Variants in LDAH observed in about 807,000 individuals in gnomAD.
LDAH encodes lipid droplet associated hydrolase, also known as lipid droplet-associated hydrolase.
A neutral mutation model predicts 29.6 loss-of-function variants in LDAH; 26 were observed. The observed-to-expected ratio is 0.88, with a 90% CI of 0.64 to 1.22. The LOEUF (loss-of-function observed/expected upper bound fraction) is 1.22, where lower values mean the gene tolerates loss of function less well. Ranked by LOEUF, LDAH falls within the 50% of genes most tolerant of loss-of-function variation. LDAH has a pLI of 0.00. For synonymous variants in LDAH, 117 were observed against 133.0 expected (o/e 0.88, Z 0.83); for missense variants, 344 against 387.3 (o/e 0.89, Z 0.94).
At chr2:20,713,184 G>A (rs1049881725) in intron 5 of LDAH, among the ~76,000 whole-genome samples, 11 of 152,260 alleles carry the variant, frequency 7.2e-5, no homozygotes, top group African/African-American at 1.9e-4. Flanking sequence ...GACTAACAGC[G>A]GATCTCTCAG....
chr2:20,800,715 C>A (rs1438597506), intron 2 of LDAH, among the ~76,000 whole-genome samples: 3 of 152,106 alleles, frequency 2.0e-5, no homozygotes, highest in African/African-American at 7.2e-5. Flanking sequence ...GGCAATGCAA[C>A]CTCTGCCTCC....
intron 3 of LDAH, chr2:20,788,994 T>A: frequency 1.2e-6 from 1 of 811,954 alleles, no homozygotes; most frequent in Non-Finnish European, 1.9e-6. Context: ...GTCCTGGCTC[T>A]CTCTCCAGCT....
intron 5 of LDAH, among the ~76,000 whole-genome samples, chr2:20,705,317 C>T (rs376878367): frequency 6.6e-6 from 1 of 152,316 alleles, no homozygotes; most frequent in South Asian, 2.1e-4. Flanking sequence ...TATCCTCAAA[C>T]TCAGCTGTCT....
At chr2:20,820,076 C>G (rs1386273691) in intron 1 of LDAH, among the ~76,000 whole-genome samples, 3 of 151,856 alleles carry the variant, frequency 2.0e-5, no homozygotes. Context: ...AGGACCTCTT[C>G]AAGGAGAACT....
At chr2:20,692,068 T>C (rs1663076544) in intron 6 of LDAH, among the ~76,000 whole-genome samples, 1 of 152,220 alleles carries the variant, frequency 6.6e-6, no homozygotes, top group African/African-American at 2.4e-5. Context: ...TTGCTGAAGC[T>C]GATAGATTAA....
chr2:20,699,158 A>T (rs1039113518), intron 6 of LDAH, among the ~76,000 whole-genome samples: 1 of 152,228 alleles, frequency 6.6e-6, no homozygotes, highest in African/African-American at 2.4e-5. Context: ...TGATTTTTCA[A>T]CAAAATGTGT....
chr2:20,802,921 A>T (rs1040131496), intron 1 of LDAH, among the ~76,000 whole-genome samples: 7 of 152,176 alleles, frequency 4.6e-5, no homozygotes, highest in African/African-American at 1.7e-4. Flanking sequence ...AATACAGTGC[A>T]CTGGAAAGGG....
At chr2:20,820,026 A>G (rs1572703618) in intron 1 of LDAH, among the ~76,000 whole-genome samples, 1 of 151,924 alleles carries the variant, frequency 6.6e-6, no homozygotes, top group African/African-American at 2.4e-5. Flanking sequence ...TGCTTCAAAG[A>G]GAACAAAATA....
At chr2:20,742,866 C>A (rs1283903599) in intron 4 of LDAH, among the ~76,000 whole-genome samples, 3 of 148,764 alleles carry the variant, frequency 2.0e-5, no homozygotes, top group Non-Finnish European at 4.4e-5. Context: ...TCAAGGAGAT[C>A]CTCCCACTTC....
In LDAH at chr2:20,685,521, A is replaced by C. The variant is rs1325775389; in HGVS notation, c.*1382T>G. On this transcript the variant is annotated 3_prime_UTR_variant, in exon 7 of 7. Transcript: ENST00000237822. ...TGCTGTGATGTAGAAGCTATGCCAA[A>C]GCACAGTAACTCATTCAGCACTTAC... 6.5e-7 allele frequency: 1 copy of C among 1,548,690 alleles called. No individual in the cohort carries two copies. Among genetic ancestry groups the C allele is most frequent in the Admixed American group, 2.0e-5 (1 of 50,764 alleles).
intron 4 of LDAH, among the ~76,000 whole-genome samples, chr2:20,761,313 T>G (rs1668671685): frequency 6.6e-6 from 1 of 152,148 alleles, no homozygotes; most frequent in South Asian, 2.1e-4. Flanking sequence ...GTCTTCCTTT[T>G]GGGATGTGTA....
In LDAH at chr2:20,774,903, A is replaced by G. The variant is rs113203877; in HGVS notation, c.375T>C (p.Thr125=). ...QIEHKLAFLR[T]HVPKDMKLVL... ...CAAGTTTCATGTCCTTTGGCACATGAGTTCTCAGGAAAGCTAGTTTGTGCT... is the reference window on the plus strand; with the variant it reads ...CAAGTTTCATGTCCTTTGGCACATGGGTTCTCAGGAAAGCTAGTTTGTGCT... The change falls in exon 4 of 7, where the codon ACT becomes ACC. Residue 125 remains threonine, a synonymous_variant. Coordinates refer to ENST00000237822, the MANE Select transcript of LDAH (RefSeq NM_021925.4). 1 of 1,613,716 alleles carries G rather than the reference A, an allele frequency of 6.2e-7. No individual in the cohort carries two copies. Among genetic ancestry groups the G allele is most frequent in the Non-Finnish European group, 8.5e-7 (1 of 1,179,934 alleles).
chr2:20,789,412 C>T, intron 3 of LDAH: 1 of 1,445,202 alleles, frequency 6.9e-7, no homozygotes, highest in Non-Finnish European at 9.1e-7. Context: ...CGTCCAGTCT[C>T]AAGAAACTAT....
chr2:20,747,881 G>C (rs2124880004), intron 4 of LDAH, among the ~76,000 whole-genome samples: 1 of 152,170 alleles, frequency 6.6e-6, no homozygotes, highest in Middle Eastern at 3.4e-3. Context: ...GAAAACTGAG[G>C]TTCAGCCACA....
intron 5 of LDAH, among the ~76,000 whole-genome samples, chr2:20,733,481 C>G (rs1666557893): frequency 6.6e-6 from 1 of 150,948 alleles, no homozygotes; most frequent in Non-Finnish European, 1.5e-5. Context: ...CTCACTGCAG[C>G]CTTGACTTCC....
intron 5 of LDAH, among the ~76,000 whole-genome samples, chr2:20,710,953 C>T (rs1207537156): frequency 6.6e-6 from 1 of 151,894 alleles, no homozygotes; most frequent in Admixed American, 6.6e-5. Flanking sequence ...CTAGTGGGCC[C>T]AGCCTAACCT....
chr2:20,721,191 GTC>G (rs1393727161), intron 5 of LDAH, among the ~76,000 whole-genome samples: 1 of 152,076 alleles, frequency 6.6e-6, no homozygotes, highest in African/African-American at 2.4e-5. Context: ...TGAAGAAACA[GTC>G]TACAGCATGG....
chr2:20,820,768 A>G lies in LDAH; in HGVS notation c.-3+2269T>C, dbSNP rs1209032267. 4.3e-5 allele frequency among the ~76,000 whole-genome samples: 6 copies of G among 141,120 alleles called. No individual in the cohort carries two copies. In the East Asian group the frequency reaches 1.2e-3, roughly 28 times the overall value. 92.6% of individuals were successfully genotyped at this position (141,120 alleles called of 152,430 possible). On this transcript the variant is annotated intron_variant, in intron 1 of 6. Transcript: ENST00000237822. The stretch of plus-strand genomic sequence containing the variant: ...ACAAAAGCCAAAATTGACAAATGGG[A>G]TCTAATTTAACTAAAGAGCTTCTGC...
intron 4 of LDAH, among the ~76,000 whole-genome samples, chr2:20,767,048 A>T (rs1273545851): frequency 6.6e-6 from 1 of 152,192 alleles, no homozygotes; most frequent in African/African-American, 2.4e-5. Context: ...CAGGGCCACA[A>T]TCTGGGCGAG....
Sources: gnomAD v4.1 joint callset for allele counts (sites outside exome capture counted in the v4.1 genomes callset) on GRCh38, gnomAD v4.1.1 for gene constraint, MANE v1.5 for transcripts, NCBI Gene and HGNC (gene_info 2026-07-23, HGNC 2026-07-21) for gene names.